The following BAG2 variants were observed in gnomAD, a reference collection of about 807,000 sequenced individuals.
The protein encoded by BAG2 is BAG family molecular chaperone regulator 2.
BAG2 carries 8 observed loss-of-function variants against 16.4 expected under a neutral mutation model. The ratio of observed to expected loss-of-function variants is 0.49; its 90% CI spans 0.29 to 0.88. BAG2 has a LOEUF of 0.88. Ranked by LOEUF, BAG2 falls within the 40% of genes least tolerant of loss-of-function variation. The pLI is 0.09. For synonymous variants in BAG2, 82 were observed against 89.2 expected (o/e 0.92, Z 0.46); for missense variants, 218 against 248.9 (o/e 0.88, Z 0.84).
chr6:57,175,869 G>A (rs1431870758), intron 1 of BAG2, among the ~76,000 whole-genome samples: 1 of 152,206 alleles, frequency 6.6e-6, no homozygotes, highest in African/African-American at 2.4e-5. Context: ...GCTGCAGCAA[G>A]TTAAACCCAA....
At chr6:57,179,197 C>T (rs1764369421) in intron 1 of BAG2, among the ~76,000 whole-genome samples, 1 of 152,116 alleles carries the variant, frequency 6.6e-6, no homozygotes, top group Non-Finnish European at 1.5e-5. Context: ...TGAGAGATTG[C>T]TAATGTAAAA....
intron 2 of BAG2, among the ~76,000 whole-genome samples, chr6:57,183,462 A>G (rs1056824480): frequency 2.0e-5 from 3 of 152,176 alleles, no homozygotes; most frequent in African/African-American, 7.2e-5. Context: ...CATAAACCCT[A>G]TATGTGCTTA....
Position 57,186,361 on chromosome 6 carries a change from G to C in BAG2, c.*2171G>C, listed in dbSNP as rs556480696. The C allele has an allele frequency of 2.6e-4, 40 of 152,592 alleles. No homozygotes were observed. The highest frequency in any genetic ancestry group is 8.7e-4 in the African/African-American group (36 of 41,522). 9.5% of individuals were successfully genotyped at this position (152,592 alleles called of 1,614,324 possible). A position where few individuals can be genotyped will look rare whatever the true frequency, so the allele number is the denominator to read the frequency against. ...AGATGGAGTCTTGCTCTGTTGCCCA[G>C]GCTGGAGTGCAGTGGTGTGATCTCA... On this transcript the variant is annotated 3_prime_UTR_variant, in exon 3 of 3. Coordinates refer to ENST00000370693, the MANE Select transcript of BAG2 (RefSeq NM_004282.4).
At chr6:57,178,383 T>G (rs943120283) in intron 1 of BAG2, among the ~76,000 whole-genome samples, 2 of 152,192 alleles carry the variant, frequency 1.3e-5, no homozygotes, top group Admixed American at 6.5e-5. Context: ...TTCAGCTTTT[T>G]AAAAGAAAAA....
rs1764603525 is a variant in BAG2, at chr6:57,186,014, T to C, written c.*1824T>C. On this transcript the variant is annotated 3_prime_UTR_variant, in exon 3 of 3. Coordinates refer to ENST00000370693, the MANE Select transcript of BAG2 (RefSeq NM_004282.4). ...CAGACTTGAAGAGCTATGATCCACA[T>C]TTCCAAGCTGCTTGGGGTCCCTGGT... 6.6e-6 allele frequency: 1 copy of C among 152,162 alleles called. No homozygotes were observed. Among genetic ancestry groups the C allele is most frequent in the Non-Finnish European group, 1.5e-5 (1 of 68,020 alleles). The allele number at this position is 152,162 out of a possible 1,614,324, so 9.4% of individuals were successfully genotyped here. A position where few individuals can be genotyped will look rare whatever the true frequency, so the allele number is the denominator to read the frequency against.
rs780987910 is a variant in BAG2 at position 57,183,834 on chromosome 6, G to A, written c.280G>A (p.Val94Ile). Reference sequence around the variant, plus strand: ...CCGTTTGATGGGAAGAACTCTCACCGTTGAAGTGTCAGTAGAAACAATTAG... The same window carrying A: ...CCGTTTGATGGGAAGAACTCTCACCATTGAAGTGTCAGTAGAAACAATTAG... ...ANRLMGRTLT[V>I]EVSVETIRNP... Residue 94 changes from valine to isoleucine, a missense_variant, in exon 3 of 3, where the codon GTT (valine) becomes ATT (isoleucine). Val to Ile is a conservative substitution (Grantham distance 29). Transcript: ENST00000370693. 5.6e-5 allele frequency: 91 copies of A among 1,612,838 alleles called. 1 individual carries two copies. The highest frequency in any genetic ancestry group is 7.2e-5 in the Non-Finnish European group (85 of 1,179,624).
At position 57,185,145 on chromosome 6, in the gene BAG2, A is replaced by G. The variant is rs1420668979; in HGVS notation, c.*955A>G. ...GTTTTCATGGCCTCACACATATTAA[A>G]CTTTTTTTGTATAAAGGTTACAGCA... On this transcript the variant is annotated 3_prime_UTR_variant, in exon 3 of 3. Transcript: ENST00000370693. 6.6e-6 allele frequency: 1 copy of G among 152,114 alleles called. No individual in the cohort carries two copies. The highest frequency in any genetic ancestry group is 1.5e-5 in the Non-Finnish European group (1 of 68,008). The allele number at this position is 152,114 out of a possible 1,614,324, so 9.4% of individuals were successfully genotyped here.
At position 57,185,524 on chromosome 6, in the gene BAG2, C is replaced by A. The variant is rs977113060; in HGVS notation, c.*1334C>A. The A allele has an allele frequency of 6.6e-6, 1 of 152,210 alleles. No individual in the cohort carries two copies. The allele number at this position is 152,210 out of a possible 1,614,324, so 9.4% of individuals were successfully genotyped here. A position where few individuals can be genotyped will look rare whatever the true frequency, so the allele number is the denominator to read the frequency against. ...GCAATATCAAACTTCATTTTCTCTACAAAAATGCCAAGTTAGTCTCTTTAT... is the reference window on the plus strand; with the variant it reads ...GCAATATCAAACTTCATTTTCTCTAAAAAAATGCCAAGTTAGTCTCTTTAT... On this transcript the variant is annotated 3_prime_UTR_variant, in exon 3 of 3. Coordinates refer to ENST00000370693, the MANE Select transcript of BAG2 (RefSeq NM_004282.4).
intron 1 of BAG2, chr6:57,173,338 A>G (rs1764183402): frequency 2.0e-6 from 2 of 985,466 alleles, no homozygotes; most frequent in Non-Finnish European, 2.4e-6. Flanking sequence ...CATTGAGAGC[A>G]AAGATTAGAC....
At chr6:57,179,680 A>G (rs967868224) in intron 1 of BAG2, among the ~76,000 whole-genome samples, 2 of 152,200 alleles carry the variant, frequency 1.3e-5, no homozygotes, top group Admixed American at 6.5e-5. Context: ...TCATAATAAC[A>G]ACGTTCCCTG....
chr6:57,183,730 C>A, intron 2 of BAG2, 48 bp from the exon 3 acceptor site: 1 of 1,442,180 alleles, frequency 6.9e-7, no homozygotes, highest in South Asian at 1.6e-5. Flanking sequence ...AAACAAATGC[C>A]TTAATGTTTT....
chr6:57,173,220 C>T (rs1444896626), intron 1 of BAG2: 3 of 988,442 alleles, frequency 3.0e-6, no homozygotes, highest in East Asian at 1.1e-4. Flanking sequence ...TTACTCTTCT[C>T]GTTATGCATT....
In BAG2 at chr6:57,189,339, C is replaced by T. The variant is rs905051208; in HGVS notation, c.*5149C>T. The T allele has an allele frequency of 6.6e-6, 1 of 152,074 alleles. No homozygotes were observed. The highest frequency in any genetic ancestry group is 6.5e-5 in the Admixed American group (1 of 15,270). 9.4% of individuals were successfully genotyped at this position (152,074 alleles called of 1,614,324 possible). ...AAAAGGATGGTTTAGAGTTGCAGGG[C>T]ATTATAAAATATGTAATTTTAGTTA... On this transcript the variant is annotated 3_prime_UTR_variant, in exon 3 of 3. Coordinates refer to ENST00000370693, the MANE Select transcript of BAG2 (RefSeq NM_004282.4).
intron 1 of BAG2, among the ~76,000 whole-genome samples, chr6:57,175,942 T>TG (rs1286554619): frequency 6.6e-6 from 1 of 152,160 alleles, no homozygotes; most frequent in African/African-American, 2.4e-5. Context: ...GGCCTAGACT[T>TG]GCAACGGTGG....
intron 1 of BAG2, chr6:57,174,035 G>A (rs952504390): frequency 3.4e-4 from 73 of 216,230 alleles, no homozygotes; most frequent in Admixed American, 1.6e-4. Flanking sequence ...CCAGGTTCTG[G>A]GGTTCCACTC....
rs1764759914 is a variant in BAG2 at position 57,189,689 on chromosome 6, TA to T, written c.*5501del. On this transcript the variant is annotated 3_prime_UTR_variant, in exon 3 of 3. Transcript: ENST00000370693. Reference sequence around the variant, plus strand: ...AACTGCTTACTGCTTTTAAAAGATATAATAAACAATATAAATTCTGATAGTA... The same window carrying T: ...AACTGCTTACTGCTTTTAAAAGATATATAAACAATATAAATTCTGATAGTA... 1 of 152,676 alleles carries T rather than the reference TA, an allele frequency of 6.5e-6. No individual in the cohort carries two copies. Among genetic ancestry groups the T allele is most frequent in the Admixed American group, 6.5e-5 (1 of 15,280 alleles). The allele number at this position is 152,676 out of a possible 1,614,324, so 9.5% of individuals were successfully genotyped here.
rs1264725071 is a variant in BAG2 at position 57,189,414 on chromosome 6, T to TGTAA, written c.*5227_*5230dup. 1.3e-5 allele frequency: 2 copies of TGTAA among 152,230 alleles called. No individual in the cohort carries two copies. The highest frequency in any genetic ancestry group is 2.4e-5 in the African/African-American group (1 of 41,466). 9.4% of individuals were successfully genotyped at this position (152,230 alleles called of 1,614,324 possible). A position where few individuals can be genotyped will look rare whatever the true frequency, so the allele number is the denominator to read the frequency against. ...ACTTTAAAAATGGTTAGTGTAATCT[T>TGTAA]GTAAGTTCAAAGCTGGGTTCTCAGT... On this transcript the variant is annotated 3_prime_UTR_variant, in exon 3 of 3. Transcript: ENST00000370693.
intron 1 of BAG2, among the ~76,000 whole-genome samples, chr6:57,178,064 T>C (rs1326827480): frequency 6.6e-6 from 1 of 152,186 alleles, no homozygotes; most frequent in Non-Finnish European, 1.5e-5. Context: ...AAAAGTTCTT[T>C]CCCAATTTGG....
chr6:57,188,493 G>GAACA lies in BAG2; in HGVS notation c.*4304_*4307dup, dbSNP rs1247637046. 1.3e-5 allele frequency: 2 copies of GAACA among 151,972 alleles called. No individual in the cohort carries two copies. Among genetic ancestry groups the GAACA allele is most frequent in the African/African-American group, 4.8e-5 (2 of 41,366 alleles). 9.4% of individuals were successfully genotyped at this position (151,972 alleles called of 1,614,324 possible). On this transcript the variant is annotated 3_prime_UTR_variant, in exon 3 of 3. Coordinates refer to ENST00000370693, the MANE Select transcript of BAG2 (RefSeq NM_004282.4). Reference sequence around the variant, plus strand: ...AGCTAACATGAAAAAGAACTAACTAGAACACATATAACAAGTGATTTTTCT... The same window carrying GAACA: ...AGCTAACATGAAAAAGAACTAACTAGAACAAACACATATAACAAGTGATTTTTCT...
Sources: gnomAD v4.1 joint callset for allele counts (sites outside exome capture counted in the v4.1 genomes callset) on GRCh38, gnomAD v4.1.1 for gene constraint, MANE v1.5 for transcripts, NCBI Gene and HGNC (gene_info 2026-07-23, HGNC 2026-07-21) for gene names.